The following GSS variants were observed in gnomAD, a reference collection of about 807,000 sequenced individuals.
GSS encodes glutathione synthetase, also known as GSH synthetase.
In GSS, 34 loss-of-function variants were observed where a neutral mutation model predicts 60.4. The ratio of observed to expected loss-of-function variants is 0.56; its 90% CI spans 0.43 to 0.75. The LOEUF is 0.75. GSS is among the 30% of genes least tolerant of loss of function. GSS has a pLI of 0.00. For missense variants in GSS, 499 were observed against 595.1 expected, an observed-to-expected ratio of 0.84 and a Z score of 1.68; for synonymous variants, 224 against 239.0, an observed-to-expected ratio of 0.94 and a Z score of 0.58.
chr20:34,932,224 G>C, intron 9 of GSS, 91 bp from the exon 10 acceptor site: 2 of 971,290 alleles, frequency 2.1e-6, no homozygotes. Flanking sequence ...CAGGTATCAT[G>C]ATTTGTATCT....
chr20:34,953,179 C>T (rs2081582514), intron 1 of GSS, among the ~76,000 whole-genome samples: 1 of 152,174 alleles, frequency 6.6e-6, no homozygotes, highest in African/African-American at 2.4e-5. Flanking sequence ...GAAACACAGT[C>T]ACTAATTTTG....
intron 9 of GSS, 135 bp downstream of exon 9, chr20:34,935,441 T>A (rs2081433144): frequency 2.7e-6 from 2 of 735,930 alleles, no homozygotes; most frequent in South Asian, 1.4e-5. Flanking sequence ...GATAGGAGGT[T>A]CTAGCAGCAA....
At chr20:34,933,009 C>G (rs1034394347) in intron 9 of GSS, among the ~76,000 whole-genome samples, 13 of 152,110 alleles carry the variant, frequency 8.5e-5, no homozygotes, top group African/African-American at 2.9e-4. Flanking sequence ...CCACACCCAG[C>G]TAATTTTTGT....
At position 34,928,494 on chromosome 20, in the gene GSS, C is replaced by T. The variant is rs1384149288; in HGVS notation, c.*334G>A. 9.1e-6 allele frequency: 4 copies of T among 438,250 alleles called. No homozygotes were observed. In the East Asian group the frequency reaches 1.4e-4, roughly 15 times the overall value. 27.1% of individuals were successfully genotyped at this position (438,250 alleles called of 1,614,324 possible). On this transcript the variant is annotated 3_prime_UTR_variant, in exon 13 of 13. Transcript: ENST00000651619. ...GGGAAAGGCTATGCCCCTCCACTCC[C>T]CCTCCTCCTACCACTCAGTCCTATC...
chr20:34,929,299 C>T (rs1600375981), intron 12 of GSS, 102 bp downstream of exon 12: 2 of 1,016,396 alleles, frequency 2.0e-6, no homozygotes, highest in Non-Finnish European at 3.1e-6. Flanking sequence ...GGCACCGAAG[C>T]CCAGGATTCC....
At chr20:34,941,932 C>G in intron 5 of GSS, 103 bp from the exon 6 acceptor site, 3 of 763,988 alleles carry the variant, frequency 3.9e-6, no homozygotes, top group Non-Finnish European at 7.2e-6. Context: ...ATCAGCTGAG[C>G]ACTAAAAAGC....
At chr20:34,936,596 C>T (rs1429963625) in intron 8 of GSS, among the ~76,000 whole-genome samples, 167 bp downstream of exon 8, 6 of 152,204 alleles carry the variant, frequency 3.9e-5, no homozygotes, top group African/African-American at 1.4e-4. Flanking sequence ...AGAAGCACAG[C>T]GTGGCTGGCT....
At chr20:34,936,074 C>A (rs762920522) in intron 8 of GSS, among the ~76,000 whole-genome samples, 13 of 152,140 alleles carry the variant, frequency 8.5e-5, no homozygotes, top group Admixed American at 2.0e-4. Flanking sequence ...AAGGTGAAAA[C>A]GCAAACATGT....
At chr20:34,931,277 C>T in intron 11 of GSS, 59 bp downstream of exon 11, 1 of 1,348,558 alleles carries the variant, frequency 7.4e-7, no homozygotes, top group Admixed American at 1.7e-5. Context: ...CCAATGAGCA[C>T]TGGCCACAGC....
chr20:34,948,372 C>G (rs1036808740), intron 2 of GSS, among the ~76,000 whole-genome samples: 2 of 152,168 alleles, frequency 1.3e-5, no homozygotes, highest in African/African-American at 4.8e-5. Flanking sequence ...CTGCCTCTGT[C>G]CCAGGGCTCA....
intron 3 of GSS, among the ~76,000 whole-genome samples, chr20:34,945,595 C>T (rs187057974): frequency 5.0e-4 from 76 of 152,220 alleles, no homozygotes; most frequent in Non-Finnish European, 8.5e-4. Context: ...TGTTTTCCTC[C>T]AAAACCAGGC....
rs148244097 is a variant in GSS at position 34,935,483 on chromosome 20, G to A, written c.834+93C>T. The A allele has an allele frequency of 4.7e-3, 4,169 of 878,612 alleles. 15 individuals are homozygous for A. The highest frequency in any genetic ancestry group is 0.013 in the Middle Eastern group (40 of 3,104). 54.4% of individuals were successfully genotyped at this position (878,612 alleles called of 1,614,324 possible). On this transcript the variant is annotated intron_variant, in intron 9 of 12. Transcript: ENST00000651619. The stretch of plus-strand genomic sequence containing the variant: ...TGAGAAAGAAGTGAAGTGAGGACTC[G>A]GAAAACCCAGGTTGTTATAAGCCTG...
chr20:34,951,031 T>G (rs2081564708), intron 2 of GSS, among the ~76,000 whole-genome samples: 1 of 152,100 alleles, frequency 6.6e-6, no homozygotes, highest in South Asian at 2.1e-4. Context: ...CTCACATAGG[T>G]GCCCCAACAG....
At chr20:34,936,905 C>T in intron 7 of GSS, 38 bp downstream of exon 7, 1 of 1,606,030 alleles carries the variant, frequency 6.2e-7, no homozygotes, top group Non-Finnish European at 8.5e-7. Flanking sequence ...ACCCCTAATC[C>T]TGGAGCCACA....
chr20:34,931,478 G>A (rs754778494), intron 10 of GSS, 61 bp from the exon 11 acceptor site: 57 of 1,325,000 alleles, frequency 4.3e-5, no homozygotes, highest in Non-Finnish European at 5.9e-5. Flanking sequence ...AGAAGCTTAG[G>A]TCCAGCTGGT....
chr20:34,942,488 C>A lies in GSS; in HGVS notation c.491G>T (p.Arg164Leu). ...GLASRTPAVHRHVLSVLSKTK... is the reference protein window; with the variant it reads ...GLASRTPAVHLHVLSVLSKTK... ...GCCGGGGGCTGCCCAGGGGACCCAC[C>A]GGTGCACAGCTGGGGTCCGGGAGGC... The change falls in exon 5 of 13, where the codon CGA becomes CTA. Residue 164 changes from arginine (R) to leucine (L), a missense_variant and splice_region_variant. Transcript: ENST00000651619. The A allele has an allele frequency of 6.2e-7, 1 of 1,613,278 alleles. No individual in the cohort carries two copies.
At chr20:34,936,681 G>C in intron 8 of GSS, 82 bp downstream of exon 8, 1 of 1,000,442 alleles carries the variant, frequency 1.0e-6, no homozygotes, top group Non-Finnish European at 1.6e-6. Context: ...ACATCTCCCA[G>C]AAGAAAGAAT....
chr20:34,950,040 C>CACACACACACAT (rs1462737860), intron 2 of GSS: 1 of 152,070 alleles, frequency 6.6e-6, no homozygotes, highest in Non-Finnish European at 1.5e-5. Context: ...CACACATACA[C>CACACACACACAT]ACACACGTAC....
rs1258280088 is a variant in GSS at position 34,931,321 on chromosome 20, G to A, written c.1111+15C>T. On this transcript the variant is annotated intron_variant, in intron 11 of 12. Coordinates refer to ENST00000651619, the MANE Select transcript of GSS (RefSeq NM_000178.4). Reference sequence around the variant, plus strand: ...CCCTCTCATTGAGGAGCCCTGCAAAGGGAGATCCACCTACCTCCACCCTCT... The same window carrying A: ...CCCTCTCATTGAGGAGCCCTGCAAAAGGAGATCCACCTACCTCCACCCTCT... 1.9e-6 allele frequency: 3 copies of A among 1,601,770 alleles called. No homozygotes were observed. The highest frequency in any genetic ancestry group is 2.6e-6 in the Non-Finnish European group (3 of 1,168,774).
Sources: gnomAD v4.1 joint callset for allele counts (sites outside exome capture counted in the v4.1 genomes callset) on GRCh38, gnomAD v4.1.1 for gene constraint, MANE v1.5 for transcripts, NCBI Gene and HGNC (gene_info 2026-07-23, HGNC 2026-07-21) for gene names.